TRPM3: variants seen among roughly 807,000 people sequenced by gnomAD.
TRPM3 encodes the protein long transient receptor potential channel 3.
A neutral mutation model predicts 181.2 loss-of-function variants in TRPM3; 77 were observed. That is an observed-to-expected ratio of 0.42 (90% CI 0.35 to 0.51). The LOEUF (loss-of-function observed/expected upper bound fraction) is 0.51, where lower values mean the gene tolerates loss of function less well. TRPM3 is among the 20% of genes least tolerant of loss of function. The pLI, the probability that TRPM3 is intolerant of heterozygous loss-of-function variation, is 0.01. For synonymous variants in TRPM3, 745 were observed against 796.4 expected (o/e 0.94, Z 1.09); for missense variants, 1,759 against 2,196.7 (o/e 0.80, Z 3.98).
chr9:71,154,692 T>C (rs1271796382), intron 1 of TRPM3, among the ~76,000 whole-genome samples: 1 of 152,176 alleles, frequency 6.6e-6, no homozygotes, highest in Non-Finnish European at 1.5e-5. Flanking sequence ...GAAACTGCCA[T>C]GTGAAATAAG....
At chr9:70,827,525 CT>C (rs1307434447) in intron 6 of TRPM3, 6 of 179,364 alleles carry the variant, frequency 3.3e-5, no homozygotes, top group African/African-American at 1.4e-4. Context: ...TAAATAGAAA[CT>C]TTTCTCCTTG....
intron 24 of TRPM3, 108 bp from the exon 25 acceptor site, chr9:70,549,782 G>A: frequency 1.7e-6 from 2 of 1,180,244 alleles, no homozygotes; most frequent in South Asian, 3.6e-5. Context: ...GGGAAAAGGG[G>A]CCTAGATTCC....
chr9:71,223,114 CT>C (rs1238833734), intron 1 of TRPM3, among the ~76,000 whole-genome samples: 1 of 152,140 alleles, frequency 6.6e-6, no homozygotes, highest in Admixed American at 6.5e-5. Flanking sequence ...TGTTCCACTC[CT>C]CCCCCCAAAC....
intron 1 of TRPM3, among the ~76,000 whole-genome samples, chr9:71,261,809 T>C (rs1375690425): frequency 6.6e-6 from 1 of 152,156 alleles, no homozygotes; most frequent in East Asian, 1.9e-4. Flanking sequence ...CCAGACCCTG[T>C]TTTCCTGGGT....
chr9:70,777,305 AG>A (rs1400221270), intron 7 of TRPM3, among the ~76,000 whole-genome samples: 1 of 152,130 alleles, frequency 6.6e-6, no homozygotes, highest in African/African-American at 2.4e-5. Context: ...GCAATTATAA[AG>A]CAAATTTAGT....
chr9:71,106,501 G>A (rs1215577004), intron 1 of TRPM3, among the ~76,000 whole-genome samples: 1 of 152,012 alleles, frequency 6.6e-6, no homozygotes, highest in Non-Finnish European at 1.5e-5. Context: ...TTCACCTTCT[G>A]CCATGATTGT....
At chr9:70,744,579 G>A (rs2074800389) in intron 8 of TRPM3, among the ~76,000 whole-genome samples, 1 of 152,096 alleles carries the variant, frequency 6.6e-6, no homozygotes, top group Admixed American at 6.6e-5. Flanking sequence ...ATGGAATTGT[G>A]TAAATTACAT....
chr9:71,216,982 G>C (rs2079918306), intron 1 of TRPM3, among the ~76,000 whole-genome samples: 1 of 106,702 alleles, frequency 9.4e-6, no homozygotes, highest in Non-Finnish European at 1.7e-5. Context: ...ACGGAGTCTC[G>C]CTCTGTCGCC....
intron 1 of TRPM3, among the ~76,000 whole-genome samples, chr9:71,112,202 A>G (rs1375044568): frequency 1.3e-5 from 2 of 152,198 alleles, no homozygotes; most frequent in Admixed American, 6.5e-5. Flanking sequence ...TATCTATTTT[A>G]CAATGTAACC....
intron 3 of TRPM3, among the ~76,000 whole-genome samples, chr9:70,851,648 ATGTT>A (rs1564584959): frequency 6.6e-6 from 1 of 152,196 alleles, no homozygotes; most frequent in Non-Finnish European, 1.5e-5. Flanking sequence ...TTATCACAGA[ATGTT>A]TGTTACTCAG....
chr9:71,274,575 T>C (rs1269925051), intron 1 of TRPM3, among the ~76,000 whole-genome samples: 3 of 152,164 alleles, frequency 2.0e-5, no homozygotes, highest in Non-Finnish European at 4.4e-5. Context: ...TGCTCTTAAA[T>C]AGGAGAATTT....
intron 1 of TRPM3, among the ~76,000 whole-genome samples, chr9:70,964,177 A>G (rs1454854010): frequency 6.6e-6 from 1 of 152,090 alleles, no homozygotes; most frequent in Non-Finnish European, 1.5e-5. Context: ...CCCAATTATG[A>G]TTAAGATATA....
intron 1 of TRPM3, among the ~76,000 whole-genome samples, chr9:71,118,548 T>C (rs62545400): frequency 2.4e-3 from 368 of 152,292 alleles, no homozygotes; most frequent in Non-Finnish European, 4.1e-3. Flanking sequence ...GAGTCCAGTC[T>C]GTCAGAAATG....
At chr9:70,831,999 C>CTATATTTA (rs2093964018) in intron 5 of TRPM3, among the ~76,000 whole-genome samples, 1 of 55,570 alleles carries the variant, frequency 1.8e-5, no homozygotes, top group Non-Finnish European at 3.8e-5. Flanking sequence ...ATATATATAC[C>CTATATTTA]TACTATGTAC....
intron 9 of TRPM3, among the ~76,000 whole-genome samples, chr9:70,667,957 G>A (rs896074577): frequency 6.6e-6 from 1 of 152,158 alleles, no homozygotes. Flanking sequence ...CATGAAATAT[G>A]GTTTCTGCCC....
intron 6 of TRPM3, among the ~76,000 whole-genome samples, chr9:70,822,561 G>C (rs1372444279): frequency 6.6e-6 from 1 of 152,136 alleles, no homozygotes. Context: ...ATGTGTAATG[G>C]GGAGTTAGTG....
intron 1 of TRPM3, among the ~76,000 whole-genome samples, chr9:71,428,100 GT>G (rs955794387): frequency 7.3e-5 from 11 of 151,000 alleles, no homozygotes; most frequent in Admixed American, 6.6e-4. Context: ...TTGTTTTTTG[GT>G]TTTTTTTGAG....
intron 25 of TRPM3, among the ~76,000 whole-genome samples, chr9:70,544,113 T>G (rs944031408): frequency 1.3e-5 from 2 of 152,140 alleles, no homozygotes; most frequent in Non-Finnish European, 2.9e-5. Context: ...AACTCCCTAC[T>G]GTGATCACCA....
intron 10 of TRPM3, 148 bp downstream of exon 10, chr9:70,640,412 G>T: frequency 1.9e-6 from 1 of 524,340 alleles, no homozygotes; most frequent in Non-Finnish European, 3.4e-6. Flanking sequence ...ATGAGAAAGG[G>T]AGCTCAGGAT....
Sources: gnomAD v4.1 joint callset for allele counts (sites outside exome capture counted in the v4.1 genomes callset) on GRCh38, gnomAD v4.1.1 for gene constraint, MANE v1.5 for transcripts, NCBI Gene and HGNC (gene_info 2026-07-23, HGNC 2026-07-21) for gene names.